The following SHQ1 variants were observed in gnomAD, a reference collection of about 807,000 sequenced individuals.
The protein encoded by SHQ1 is SHQ1, H/ACA ribonucleoprotein assembly factor.
In SHQ1, 49 loss-of-function variants were observed where a neutral mutation model predicts 53.8. The observed-to-expected ratio is 0.91, with a 90% CI of 0.72 to 1.16. The LOEUF (loss-of-function observed/expected upper bound fraction) is 1.16. Ranked by LOEUF, SHQ1 falls within the 50% of genes most tolerant of loss-of-function variation. The pLI is 0.00. For synonymous variants in SHQ1, 243 were observed against 251.0 expected, an observed-to-expected ratio of 0.97 and a Z score of 0.30; for missense variants, 738 against 683.1, an observed-to-expected ratio of 1.08 and a Z score of -0.90.
intron 9 of SHQ1, chr3:72,793,973 A>T (rs892851189): frequency 1.3e-5 from 2 of 152,212 alleles, no homozygotes; most frequent in African/African-American, 4.8e-5. Flanking sequence ...AGTCTACAAA[A>T]GGAGCCTTTT....
At chr3:72,773,661 T>C (rs1037752750) in intron 10 of SHQ1, among the ~76,000 whole-genome samples, 4 of 151,808 alleles carry the variant, frequency 2.6e-5, no homozygotes, top group African/African-American at 9.7e-5. Flanking sequence ...AGGCCTGAAT[T>C]CAAAGAAAGG....
intron 10 of SHQ1, among the ~76,000 whole-genome samples, chr3:72,783,595 T>C (rs1400537036): frequency 6.6e-6 from 1 of 152,198 alleles, no homozygotes; most frequent in Non-Finnish European, 1.5e-5. Flanking sequence ...ATTATAGGCA[T>C]GAGCCAGCAT....
chr3:72,750,292 T>G lies in SHQ1; in HGVS notation c.1726A>C (p.Asn576His), dbSNP rs1221352417. ...ATAAAACCACCTAAGAGTCAATTATTTGGTGTCTGACAGCCGTCTCTCTCC... is the reference window on the plus strand; with the variant it reads ...ATAAAACCACCTAAGAGTCAATTATGTGGTGTCTGACAGCCGTCTCTCTCC... Reference protein sequence around the residue: ...IQERDGCQTPNN With the variant: ...IQERDGCQTPHN The change falls in exon 11 of 11, where the codon AAT becomes CAT. Residue 576 changes from asparagine (N) to histidine (H), a missense_variant. Asn to His is a moderately conservative substitution (Grantham distance 68). Coordinates refer to ENST00000325599, the MANE Select transcript of SHQ1 (RefSeq NM_018130.3). 1 of 1,603,890 alleles carries G rather than the reference T, an allele frequency of 6.2e-7. No individual in the cohort carries two copies. The highest frequency in any genetic ancestry group is 8.5e-7 in the Non-Finnish European group (1 of 1,175,502).
At chr3:72,737,201 C>A in the SHQ1 span, among the ~76,000 whole-genome samples, 1,074 of 152,112 alleles carry the variant, frequency 7.1e-3, 6 homozygotes, top group Non-Finnish European at 0.01. Flanking sequence ...TTGCTTGAAC[C>A]CAGGAGGTAG....
chr3:72,732,781 C>T, the SHQ1 span, among the ~76,000 whole-genome samples: 4 of 151,342 alleles, frequency 2.6e-5, no homozygotes, highest in South Asian at 2.1e-4. Flanking sequence ...CAACAAGCCT[C>T]GAGCTAGGAT....
chr3:72,762,808 G>A (rs1215959279), intron 10 of SHQ1, among the ~76,000 whole-genome samples: 2 of 151,946 alleles, frequency 1.3e-5, no homozygotes, highest in African/African-American at 4.8e-5. Context: ...CCGAATAATG[G>A]GGATTACAGG....
intron 9 of SHQ1, among the ~76,000 whole-genome samples, chr3:72,796,174 C>T (rs998879799): frequency 7.0e-6 from 1 of 142,770 alleles, no homozygotes. Flanking sequence ...TTGGCTAGAG[C>T]AAAGAGTTCA....
chr3:72,734,355 C>T, the SHQ1 span, among the ~76,000 whole-genome samples: 4 of 151,038 alleles, frequency 2.6e-5, no homozygotes, highest in South Asian at 2.1e-4. Flanking sequence ...CTCCCAGGTT[C>T]GGTGATTCTC....
the SHQ1 span, among the ~76,000 whole-genome samples, chr3:72,726,014 T>TC: frequency 6.6e-6 from 1 of 152,142 alleles, no homozygotes; most frequent in African/African-American, 2.4e-5. Flanking sequence ...GCAGCTATAG[T>TC]CCCAGCTACT....
At chr3:72,773,125 G>C in intron 10 of SHQ1, 1 of 764,432 alleles carries the variant, frequency 1.3e-6, no homozygotes, top group South Asian at 1.4e-5. Flanking sequence ...TGAGCTCAAA[G>C]TCATGAAGTT....
chr3:72,789,092 A>T (rs890576199), intron 10 of SHQ1, among the ~76,000 whole-genome samples: 1 of 152,244 alleles, frequency 6.6e-6, no homozygotes, highest in South Asian at 2.1e-4. Context: ...AAAAAAAAAA[A>T]AAAAAAGAAA....
chr3:72,848,352 A>C lies in SHQ1; in HGVS notation c.-12T>G. On this transcript the variant is annotated 5_prime_UTR_variant, in exon 1 of 11. Coordinates refer to ENST00000325599, the MANE Select transcript of SHQ1 (RefSeq NM_018130.3). ...GCCGGGGTCAGCATCGCCGCACCGG[A>C]CGCAAGGGCCGGCGCCGCTCGCTCT... is the stretch of plus-strand genomic sequence containing the variant. 1 of 1,613,226 alleles carries C rather than the reference A, an allele frequency of 6.2e-7. No homozygotes were observed. Among genetic ancestry groups the C allele is most frequent in the African/African-American group, 1.3e-5 (1 of 74,944 alleles).
intron 3 of SHQ1, 38 bp downstream of exon 3, chr3:72,842,242 T>C (rs1157075459): frequency 6.2e-7 from 1 of 1,603,292 alleles, no homozygotes; most frequent in Admixed American, 1.7e-5. Context: ...CAAATATTTC[T>C]ATTTATCCTA....
At chr3:72,728,937 C>T in the SHQ1 span, among the ~76,000 whole-genome samples, 50 of 152,288 alleles carry the variant, frequency 3.3e-4, no homozygotes, top group African/African-American at 1.1e-3. Context: ...GTTGGATTCT[C>T]GCTGCTACTG....
intron 10 of SHQ1, among the ~76,000 whole-genome samples, chr3:72,762,935 A>G (rs1705641485): frequency 7.2e-6 from 1 of 139,066 alleles, no homozygotes; most frequent in Non-Finnish European, 1.6e-5. Context: ...TCAGCCTCCC[A>G]AAGTGCTGGG....
intron 10 of SHQ1, among the ~76,000 whole-genome samples, chr3:72,761,420 C>T (rs947740184): frequency 4.9e-4 from 74 of 152,186 alleles, no homozygotes; most frequent in Non-Finnish European, 2.2e-4. Flanking sequence ...GACCCTCCTG[C>T]CCCAGCCTCC....
the SHQ1 span, among the ~76,000 whole-genome samples, chr3:72,736,924 G>T: frequency 6.6e-6 from 1 of 151,966 alleles, no homozygotes; most frequent in African/African-American, 2.4e-5. Context: ...TTTCCGAAGT[G>T]CAAAAAGCCA....
chr3:72,787,799 C>CA (rs1314470339), intron 10 of SHQ1, among the ~76,000 whole-genome samples: 7 of 152,020 alleles, frequency 4.6e-5, no homozygotes, highest in Non-Finnish European at 8.8e-5. Context: ...CATCTCGACT[C>CA]ACTGCAACCT....
At chr3:72,847,640 C>A (rs1263949074) in intron 1 of SHQ1, among the ~76,000 whole-genome samples, 2 of 152,044 alleles carry the variant, frequency 1.3e-5, no homozygotes, top group African/African-American at 2.4e-5. Flanking sequence ...GGGACAAAAC[C>A]AAACAGAAGA....
Sources: allele counts gnomAD v4.1 joint callset (sites outside exome capture counted in the v4.1 genomes callset), GRCh38; gene constraint gnomAD v4.1.1; transcripts MANE v1.5; gene names NCBI Gene and HGNC (gene_info 2026-07-23, HGNC 2026-07-21).